JMJD1C: variants seen among roughly 807,000 people sequenced by gnomAD.
JMJD1C encodes the protein jumonji domain-containing protein 1C.
Under a neutral mutation model 245.3 loss-of-function variants are expected in JMJD1C, and 31 were observed. That is an observed-to-expected ratio of 0.13 (90% confidence interval 0.09 to 0.17). JMJD1C has a LOEUF of 0.17. Ranked by LOEUF, JMJD1C falls within the 10% of genes least tolerant of loss-of-function variation. The probability of loss-of-function intolerance (pLI) is 1.00; values close to 1 mark genes in which losing one functional copy is unlikely to be tolerated. For synonymous variants in JMJD1C, 1,057 were observed against 1,017.4 expected, an observed-to-expected ratio of 1.04 and a Z score of -0.74; for missense variants, 2,691 against 3,000.2, an observed-to-expected ratio of 0.90 and a Z score of 2.41.
intron 11 of JMJD1C, 138 bp from the exon 12 acceptor site, chr10:63,198,865 T>C: frequency 1.9e-6 from 1 of 513,704 alleles, no homozygotes; most frequent in Non-Finnish European, 3.4e-6. Flanking sequence ...AACAGGTTAA[T>C]TCTTCACACA....
intron 1 of JMJD1C, among the ~76,000 whole-genome samples, chr10:63,461,643 T>C (rs1451088353): frequency 6.6e-6 from 1 of 152,140 alleles, no homozygotes; most frequent in East Asian, 1.9e-4. Context: ...ATCCCCTAAA[T>C]ACAAGCAAAT....
intron 3 of JMJD1C, among the ~76,000 whole-genome samples, chr10:63,262,824 C>G (rs1854958449): frequency 2.2e-4 from 1 of 4,608 alleles, no homozygotes; most frequent in South Asian, 3.2e-3. Flanking sequence ...GTTAGGGTAC[C>G]CCCCCCACTC....
chr10:63,216,368 T>C (rs1378692099), intron 5 of JMJD1C, among the ~76,000 whole-genome samples: 1 of 151,368 alleles, frequency 6.6e-6, no homozygotes, highest in Non-Finnish European at 1.5e-5. Context: ...TTTTTTGTAT[T>C]AAGTTAAAAA....
At chr10:63,344,546 A>C (rs1000885077) in intron 2 of JMJD1C, among the ~76,000 whole-genome samples, 2 of 152,214 alleles carry the variant, frequency 1.3e-5, no homozygotes, top group African/African-American at 2.4e-5. Flanking sequence ...ATGAGTTCTT[A>C]GGTATGACAC....
At chr10:63,279,669 G>A (rs1857185370) in intron 2 of JMJD1C, among the ~76,000 whole-genome samples, 1 of 152,030 alleles carries the variant, frequency 6.6e-6, no homozygotes, top group Non-Finnish European at 1.5e-5. Context: ...CAAAGGAGGA[G>A]CACTTGAGCC....
chr10:63,376,323 T>C (rs1375259627), intron 2 of JMJD1C, among the ~76,000 whole-genome samples: 1 of 152,124 alleles, frequency 6.6e-6, no homozygotes, highest in Non-Finnish European at 1.5e-5. Flanking sequence ...ATACAACTTT[T>C]AGAAGAAAAC....
At chr10:63,342,009 G>A (rs1943427940) in intron 2 of JMJD1C, among the ~76,000 whole-genome samples, 1 of 152,204 alleles carries the variant, frequency 6.6e-6, no homozygotes, top group Admixed American at 6.5e-5. Context: ...AGTGATGATG[G>A]TGAACAAATG....
intron 1 of JMJD1C, among the ~76,000 whole-genome samples, chr10:63,425,760 A>T (rs1316485468): frequency 1.3e-5 from 2 of 152,178 alleles, no homozygotes; most frequent in African/African-American, 2.4e-5. Flanking sequence ...CCGGCCTGGG[A>T]AACAGAGCAA....
At chr10:63,416,006 T>C (rs1397678247) in intron 1 of JMJD1C, among the ~76,000 whole-genome samples, 3 of 152,146 alleles carry the variant, frequency 2.0e-5, no homozygotes, top group Admixed American at 6.6e-5. Flanking sequence ...TCTAAAGAAA[T>C]ACTGTCCTTC....
intron 2 of JMJD1C, among the ~76,000 whole-genome samples, chr10:63,363,093 T>C (rs1179136629): frequency 1.3e-5 from 2 of 152,090 alleles, no homozygotes; most frequent in African/African-American, 2.4e-5. Flanking sequence ...TTTAATGCAC[T>C]TGTCCTATCA....
At chr10:63,456,447 TAC>T (rs758225987) in intron 1 of JMJD1C, among the ~76,000 whole-genome samples, 23 of 152,280 alleles carry the variant, frequency 1.5e-4, no homozygotes, top group Middle Eastern at 6.8e-3. Context: ...CTGTTAAATA[TAC>T]AGTCATTTTA....
chr10:63,487,976 G>C (rs1022286603), intron 1 of JMJD1C, among the ~76,000 whole-genome samples: 1 of 152,058 alleles, frequency 6.6e-6, no homozygotes, highest in Non-Finnish European at 1.5e-5. Context: ...AAGACACTGC[G>C]ACACAGAGAG....
intron 1 of JMJD1C, among the ~76,000 whole-genome samples, chr10:63,403,071 A>G (rs147303993): frequency 2.0e-5 from 3 of 152,330 alleles, no homozygotes; most frequent in African/African-American, 7.2e-5. Context: ...AGTTAAGGAA[A>G]AACTGAGACG....
intron 2 of JMJD1C, among the ~76,000 whole-genome samples, chr10:63,270,092 A>G (rs1334949227): frequency 6.6e-6 from 1 of 152,210 alleles, no homozygotes; most frequent in Non-Finnish European, 1.5e-5. Flanking sequence ...TAAAATTTTG[A>G]TGTAAAGACA....
intron 3 of JMJD1C, among the ~76,000 whole-genome samples, chr10:63,220,575 C>G (rs948709617): frequency 6.6e-6 from 1 of 152,170 alleles, no homozygotes; most frequent in African/African-American, 2.4e-5. Context: ...TGGTATTACT[C>G]TCATAACAGG....
At chr10:63,480,458 T>A (rs985503169) in intron 1 of JMJD1C, among the ~76,000 whole-genome samples, 3 of 151,754 alleles carry the variant, frequency 2.0e-5, no homozygotes, top group Non-Finnish European at 2.9e-5. Context: ...ACTGGGATCA[T>A]AAGAATGACA....
At chr10:63,328,461 CATAAATGAGGTGAATAACATT>C (rs1357702464) in intron 2 of JMJD1C, among the ~76,000 whole-genome samples, 1 of 152,156 alleles carries the variant, frequency 6.6e-6, no homozygotes, top group Non-Finnish European at 1.5e-5. Flanking sequence ...ACACACATTT[CATAAATGAGGTGAATAACATT>C]ATATTTATAG....
At chr10:63,218,484 GAAGAAT>G (rs1354511932) in intron 4 of JMJD1C, among the ~76,000 whole-genome samples, 2 of 151,950 alleles carry the variant, frequency 1.3e-5, no homozygotes, top group Non-Finnish European at 2.9e-5. Context: ...TCTAACTATT[GAAGAAT>G]AAGACTCCAT....
rs188520171 is a variant in JMJD1C at position 63,207,283 on chromosome 10, C to G, written c.4386G>C (p.Lys1462Asn). 339 of 1,613,794 alleles carry G rather than the reference C, an allele frequency of 2.1e-4. 6 individuals carry two copies. In the East Asian group the frequency reaches 3.8e-3, roughly 18 times the overall value. ...AACTGGGTTGAACAACACTTCCTGTCTTACTACTGGCTAATGTAACTGGTG... is the reference window on the plus strand; with the variant it reads ...AACTGGGTTGAACAACACTTCCTGTGTTACTACTGGCTAATGTAACTGGTG... ...TTAPVTLASS[K>N]TGSVVQPSSG... Residue 1462 changes from lysine to asparagine, a missense_variant, in exon 10 of 26, where the codon AAG (lysine) becomes AAC (asparagine). Lys to Asn is a moderately conservative substitution (Grantham distance 94). Around this residue, in one of 9 missense-constraint regions of JMJD1C, gnomAD observed 1,562 missense variants for 1,490.7 expected, o/e 1.05. Transcript: ENST00000399262.
Sources: allele counts gnomAD v4.1 joint callset (sites outside exome capture counted in the v4.1 genomes callset), GRCh38; gene constraint gnomAD v4.1.1; regional missense constraint gnomAD v4.1.1; transcripts MANE v1.5; gene names NCBI Gene and HGNC (gene_info 2026-07-23, HGNC 2026-07-21).